PRKG1: variants seen among roughly 807,000 people sequenced by gnomAD.
The protein encoded by PRKG1 is protein kinase cGMP-dependent 1.
A neutral mutation model predicts 88.1 loss-of-function variants in PRKG1; 35 were observed. The ratio of observed to expected loss-of-function variants is 0.40; its 90% CI spans 0.30 to 0.53. The LOEUF (loss-of-function observed/expected upper bound fraction) is 0.53, where lower values mean the gene tolerates loss of function less well. Ranked by LOEUF, PRKG1 falls within the 20% of genes least tolerant of loss-of-function variation. PRKG1 has a pLI of 0.59. For synonymous variants in PRKG1, 303 were observed against 292.5 expected (o/e 1.04, Z -0.37); for missense variants, 540 against 839.8 (o/e 0.64, Z 4.41).
chr10:51,281,232 C>T (rs1482239930), intron 2 of PRKG1, among the ~76,000 whole-genome samples: 1 of 152,156 alleles, frequency 6.6e-6, no homozygotes, highest in Non-Finnish European at 1.5e-5. Flanking sequence ...AGCTTCATCT[C>T]AGAGGGGTAC....
At chr10:52,216,868 T>C (rs1840124689) in intron 9 of PRKG1, among the ~76,000 whole-genome samples, 1 of 152,230 alleles carries the variant, frequency 6.6e-6, no homozygotes, top group Non-Finnish European at 1.5e-5. Flanking sequence ...CTTTTTAGTT[T>C]TTCACAAATG....
At chr10:52,193,548 C>CA (rs34730000) in intron 9 of PRKG1, among the ~76,000 whole-genome samples, 14,607 of 42,550 alleles carry the variant, frequency 0.34, 1,444 homozygotes, top group African/African-American at 0.44. Context: ...GACTCTGTCT[C>CA]AAAAAAAAAA....
chr10:51,902,900 G>A (rs1842010086), intron 4 of PRKG1, among the ~76,000 whole-genome samples: 1 of 152,122 alleles, frequency 6.6e-6, no homozygotes, highest in Non-Finnish European at 1.5e-5. Context: ...GACCTTTGAA[G>A]ACCCATACAA....
At chr10:51,663,700 C>G (rs1840353923) in intron 3 of PRKG1, among the ~76,000 whole-genome samples, 2 of 65,246 alleles carry the variant, frequency 3.1e-5, no homozygotes, top group African/African-American at 1.1e-4. Context: ...GAGACCCTGT[C>G]TCAAAAAAAA....
At chr10:51,213,461 T>G (rs537354429) in intron 2 of PRKG1, among the ~76,000 whole-genome samples, 6 of 152,058 alleles carry the variant, frequency 3.9e-5, no homozygotes, top group South Asian at 4.2e-4. Flanking sequence ...AAACTTAAAG[T>G]ATAATAATAA....
intron 9 of PRKG1, among the ~76,000 whole-genome samples, chr10:52,244,144 A>G (rs1488885364): frequency 6.6e-6 from 1 of 152,118 alleles, no homozygotes; most frequent in Non-Finnish European, 1.5e-5. Flanking sequence ...ATGCTGTACA[A>G]CAAGAATACA....
intron 2 of PRKG1, among the ~76,000 whole-genome samples, chr10:51,373,038 C>T (rs1331647147): frequency 6.6e-6 from 1 of 152,096 alleles, no homozygotes; most frequent in Non-Finnish European, 1.5e-5. Context: ...GTTATTTTAG[C>T]ATCTTAAAAT....
chr10:51,901,149 G>C (rs897962113), intron 4 of PRKG1, among the ~76,000 whole-genome samples: 1 of 151,972 alleles, frequency 6.6e-6, no homozygotes, highest in Non-Finnish European at 1.5e-5. Context: ...AGTCATTCCA[G>C]GATAAGCCTT....
At chr10:51,877,746 C>CT (rs1639754255) in intron 4 of PRKG1, among the ~76,000 whole-genome samples, 1 of 152,174 alleles carries the variant, frequency 6.6e-6, no homozygotes, top group Non-Finnish European at 1.5e-5. Flanking sequence ...TTGCCCTATT[C>CT]TTTAAGACAT....
intron 8 of PRKG1, among the ~76,000 whole-genome samples, chr10:52,139,749 GT>G (rs1210621714): frequency 6.6e-6 from 1 of 152,088 alleles, no homozygotes; most frequent in African/African-American, 2.4e-5. Context: ...GGTAGAATAG[GT>G]GATCACTAAA....
At chr10:51,395,434 C>A (rs150430134) in intron 2 of PRKG1, among the ~76,000 whole-genome samples, 1 of 152,144 alleles carries the variant, frequency 6.6e-6, no homozygotes, top group African/African-American at 2.4e-5. Flanking sequence ...GTTGTCTGTC[C>A]TTAGTTCTTA....
chr10:51,968,193 C>T (rs536405998), intron 5 of PRKG1, among the ~76,000 whole-genome samples: 2 of 152,222 alleles, frequency 1.3e-5, no homozygotes, highest in South Asian at 4.1e-4. Flanking sequence ...TTGGAATCTG[C>T]CTTTTAACAT....
At chr10:51,223,188 C>T (rs138642496) in intron 2 of PRKG1, among the ~76,000 whole-genome samples, 1 of 152,172 alleles carries the variant, frequency 6.6e-6, no homozygotes, top group Admixed American at 6.6e-5. Context: ...CTCACTTCCC[C>T]CACCCTCTGT....
intron 3 of PRKG1, among the ~76,000 whole-genome samples, chr10:51,689,834 C>A (rs972978778): frequency 6.6e-6 from 1 of 152,024 alleles, no homozygotes; most frequent in Non-Finnish European, 1.5e-5. Context: ...ATGAGTCTGG[C>A]AAATTCAATT....
chr10:51,861,754 A>G (rs1840879090), intron 4 of PRKG1, among the ~76,000 whole-genome samples: 2 of 152,222 alleles, frequency 1.3e-5, no homozygotes, highest in African/African-American at 4.8e-5. Context: ...TTTTTACTCA[A>G]TTATAAATTT....
chr10:51,738,049 T>C (rs1311253852), intron 3 of PRKG1, among the ~76,000 whole-genome samples: 2 of 152,032 alleles, frequency 1.3e-5, no homozygotes, highest in East Asian at 3.9e-4. Flanking sequence ...ATTACAGGCA[T>C]GAGTCACTGC....
chr10:51,874,503 A>G (rs1841243023), intron 4 of PRKG1, among the ~76,000 whole-genome samples: 1 of 152,216 alleles, frequency 6.6e-6, no homozygotes, highest in African/African-American at 2.4e-5. Flanking sequence ...TATGTTGTTG[A>G]TGCATACTGT....
At chr10:51,087,516 G>A (rs951698369) in intron 1 of PRKG1, among the ~76,000 whole-genome samples, 1 of 152,142 alleles carries the variant, frequency 6.6e-6, no homozygotes, top group Non-Finnish European at 1.5e-5. Flanking sequence ...GGTTATGTAA[G>A]CCCAGAGCTC....
At chr10:52,105,030 A>C (rs1242963451) in intron 7 of PRKG1, among the ~76,000 whole-genome samples, 1 of 152,216 alleles carries the variant, frequency 6.6e-6, no homozygotes, top group Non-Finnish European at 1.5e-5. Flanking sequence ...AATAAATATA[A>C]TGGACAACTA....
Sources: gnomAD v4.1 joint callset for allele counts (sites outside exome capture counted in the v4.1 genomes callset) on GRCh38, gnomAD v4.1.1 for gene constraint, MANE v1.5 for transcripts, NCBI Gene and HGNC (gene_info 2026-07-23, HGNC 2026-07-21) for gene names.